PTCHD4: variants seen among roughly 807,000 people sequenced by gnomAD.
The protein encoded by PTCHD4 is patched domain containing 4, also known as patched domain-containing protein 4.
In PTCHD4, 33 loss-of-function variants were observed where a neutral mutation model predicts 58.1. The observed-to-expected ratio is 0.57, with a 90% CI of 0.43 to 0.76. PTCHD4 has a LOEUF of 0.76. Among genes scored for constraint, PTCHD4 ranks in the 30% least tolerant of loss-of-function variants. PTCHD4 has a pLI of 0.00. For synonymous variants in PTCHD4, 478 were observed against 409.6 expected, an observed-to-expected ratio of 1.17 and a Z score of -2.02; for missense variants, 1,058 against 1,027.1, an observed-to-expected ratio of 1.03 and a Z score of -0.41.
intron 1 of PTCHD4, among the ~76,000 whole-genome samples, chr6:48,088,489 T>G (rs1214893762): frequency 6.6e-6 from 1 of 152,212 alleles, no homozygotes; most frequent in Non-Finnish European, 1.5e-5. Context: ...AAACAAAAGC[T>G]GTGCATAAAA....
chr6:48,008,338 G>T (rs185229290), intron 4 of PTCHD4, among the ~76,000 whole-genome samples: 1 of 152,078 alleles, frequency 6.6e-6, no homozygotes, highest in South Asian at 2.1e-4. Context: ...TCCTTAACTC[G>T]GTCTCTCATA....
intron 3 of PTCHD4, among the ~76,000 whole-genome samples, chr6:48,047,580 T>A (rs1445041484): frequency 6.6e-6 from 1 of 151,870 alleles, no homozygotes; most frequent in African/African-American, 2.4e-5. Context: ...CTATGGACTG[T>A]TTATCTCTCC....
At chr6:48,019,145 C>T (rs1396520405) in intron 3 of PTCHD4, among the ~76,000 whole-genome samples, 1 of 152,142 alleles carries the variant, frequency 6.6e-6, no homozygotes, top group Non-Finnish European at 1.5e-5. Flanking sequence ...TTCTAGGTAC[C>T]TTCATGGGGT....
chr6:48,073,790 T>C (rs948745794), intron 1 of PTCHD4, among the ~76,000 whole-genome samples: 5 of 152,186 alleles, frequency 3.3e-5, no homozygotes, highest in African/African-American at 1.2e-4. Context: ...TCTTCTGAAA[T>C]GCATGAGAAA....
intron 3 of PTCHD4, among the ~76,000 whole-genome samples, chr6:48,052,812 A>C (rs1764277967): frequency 6.6e-6 from 1 of 152,066 alleles, no homozygotes; most frequent in East Asian, 1.9e-4. Flanking sequence ...AGTGGTGTAT[A>C]CTACATCACT....
intron 4 of PTCHD4, among the ~76,000 whole-genome samples, chr6:47,911,466 T>C (rs910688193): frequency 6.6e-6 from 1 of 152,122 alleles, no homozygotes; most frequent in African/African-American, 2.4e-5. Flanking sequence ...TTTCTTTACA[T>C]CACAAGTCTT....
chr6:47,922,877 C>T (rs1344339367), intron 4 of PTCHD4, among the ~76,000 whole-genome samples: 6 of 152,204 alleles, frequency 3.9e-5, no homozygotes, highest in Non-Finnish European at 1.5e-5. Flanking sequence ...AATTACTGCT[C>T]AGTCCTACTG....
chr6:47,935,152 C>G (rs6910860), intron 4 of PTCHD4, among the ~76,000 whole-genome samples: 4,393 of 152,156 alleles, frequency 0.029, 75 homozygotes, highest in Middle Eastern at 0.058. Context: ...AAAATCAGAG[C>G]CATTTTTCTT....
chr6:47,948,637 A>G (rs1483782999), intron 4 of PTCHD4, among the ~76,000 whole-genome samples: 2 of 152,086 alleles, frequency 1.3e-5, no homozygotes, highest in Non-Finnish European at 2.9e-5. Context: ...CTTTGTCTGG[A>G]TTTCTGTACT....
intron 1 of PTCHD4, among the ~76,000 whole-genome samples, chr6:48,099,032 C>T (rs893619567): frequency 2.0e-5 from 3 of 152,100 alleles, no homozygotes; most frequent in African/African-American, 7.2e-5. Context: ...TATTAAATAA[C>T]ATTTCAGCTA....
At chr6:48,066,174 T>G (rs1582102573) in intron 3 of PTCHD4, among the ~76,000 whole-genome samples, 1 of 152,036 alleles carries the variant, frequency 6.6e-6, no homozygotes, top group East Asian at 1.9e-4. Context: ...GAGTGAGAAC[T>G]TTGCTTTTCT....
intron 1 of PTCHD4, among the ~76,000 whole-genome samples, chr6:48,103,762 T>G (rs1250834160): frequency 6.6e-6 from 1 of 152,080 alleles, no homozygotes; most frequent in African/African-American, 2.4e-5. Context: ...TTAAAGGAAC[T>G]GATGGAGCTG....
intron 1 of PTCHD4, among the ~76,000 whole-genome samples, chr6:48,082,613 C>T (rs973499672): frequency 1.5e-4 from 23 of 152,284 alleles, no homozygotes; most frequent in Admixed American, 1.2e-3. Flanking sequence ...CCATCCCTGC[C>T]ATTTTCTTTA....
At position 47,951,394 on chromosome 6, in the gene PTCHD4, A is replaced by G. The variant is rs187464894; in HGVS notation, c.898+57240T>C. 7.2e-5 allele frequency among the ~76,000 whole-genome samples: 11 copies of G among 152,340 alleles called. No homozygotes were observed. In the East Asian group the frequency reaches 1.3e-3, roughly 19 times the overall value. ...CTGTGTGTTTATCATTCACAGAATT[A>G]TATCACACTGAATTGGAGGATGTGT... is the stretch of plus-strand genomic sequence containing the variant. On this transcript the variant is annotated intron_variant, in intron 4 of 4. Coordinates refer to ENST00000339488, the MANE Select transcript of PTCHD4 (RefSeq NM_001384253.1).
intron 4 of PTCHD4, among the ~76,000 whole-genome samples, chr6:47,883,342 ATACTTCTC>A (rs1299061983): frequency 6.6e-6 from 1 of 152,172 alleles, no homozygotes; most frequent in Non-Finnish European, 1.5e-5. Flanking sequence ...AAAGCCATCA[ATACTTCTC>A]TAAAAATAAA....
intron 4 of PTCHD4, chr6:47,901,761 GTGATGA>G (rs979836874): frequency 3.3e-6 from 4 of 1,229,762 alleles, no homozygotes; most frequent in Non-Finnish European, 2.1e-6. Context: ...GGTATTGGTG[GTGATGA>G]TGATGATGAT....
intron 4 of PTCHD4, among the ~76,000 whole-genome samples, chr6:47,915,042 G>A (rs1223643584): frequency 1.3e-5 from 2 of 152,034 alleles, no homozygotes; most frequent in African/African-American, 2.4e-5. Flanking sequence ...AATAAAATAT[G>A]TCTGCCTGAG....
intron 4 of PTCHD4, among the ~76,000 whole-genome samples, chr6:47,905,696 T>A (rs1008268414): frequency 2.0e-5 from 3 of 152,188 alleles, no homozygotes; most frequent in African/African-American, 7.2e-5. Flanking sequence ...GCATAATACA[T>A]CAACACATCA....
rs79839150 is a variant in PTCHD4 at position 47,951,301 on chromosome 6, G to A, written c.898+57333C>T. ...AGACTTTATCACTCCTAGCCCAAAGGGGCATTGGGAGAAGTGGCTCCTGTA... is the reference window on the plus strand; with the variant it reads ...AGACTTTATCACTCCTAGCCCAAAGAGGCATTGGGAGAAGTGGCTCCTGTA... On this transcript the variant is annotated intron_variant, in intron 4 of 4. Coordinates refer to ENST00000339488, the MANE Select transcript of PTCHD4 (RefSeq NM_001384253.1). Among the ~76,000 whole-genome samples, 361 of 152,238 alleles carry A rather than the reference G, an allele frequency of 2.4e-3. 2 individuals are homozygous for A. The highest frequency in any genetic ancestry group is 0.01 in the Middle Eastern group (3 of 294).
Sources: gnomAD v4.1 joint callset for allele counts (sites outside exome capture counted in the v4.1 genomes callset) on GRCh38, gnomAD v4.1.1 for gene constraint, MANE v1.5 for transcripts, NCBI Gene and HGNC (gene_info 2026-07-23, HGNC 2026-07-21) for gene names.